FGF14: variants seen among roughly 807,000 people sequenced by gnomAD.
FGF14 encodes the protein fibroblast growth factor 14.
In FGF14, 5 loss-of-function variants were observed where a neutral mutation model predicts 25.5. That is an observed-to-expected ratio of 0.20 (90% CI 0.10 to 0.41). The LOEUF (loss-of-function observed/expected upper bound fraction) is 0.41. FGF14 is among the 10% of genes least tolerant of loss of function. The pLI, the probability that FGF14 is intolerant of heterozygous loss-of-function variation, is 1.00. For missense variants in FGF14, 222 were observed against 320.1 expected (o/e 0.69, Z 2.34); for synonymous variants, 138 against 118.3 (o/e 1.17, Z -1.08).
intron 3 of FGF14, among the ~76,000 whole-genome samples, chr13:101,790,923 G>A (rs780552726): frequency 1.3e-5 from 2 of 152,126 alleles, no homozygotes; most frequent in East Asian, 1.9e-4. Flanking sequence ...ATTTGGTATC[G>A]ATATTTGTGC....
Position 101,896,644 on chromosome 13 carries a change from T to G in FGF14, c.193+19809A>C, listed in dbSNP as rs75883932. On this transcript the variant is annotated intron_variant, in intron 1 of 4. Coordinates refer to ENST00000376143, the MANE Select transcript of FGF14 (RefSeq NM_004115.4). ...TAGGGATGAAGGAAGAGTTGAAAAATATAATAGATCCTTTCCTACAGCCTC... is the reference window on the plus strand; with the variant it reads ...TAGGGATGAAGGAAGAGTTGAAAAAGATAATAGATCCTTTCCTACAGCCTC... Among the ~76,000 whole-genome samples the G allele has an allele frequency of 8.2e-3, 1,253 of 152,218 alleles. 13 individuals carry two copies. Among genetic ancestry groups the G allele is most frequent in the African/African-American group, 0.028 (1,175 of 41,558 alleles).
chr13:102,266,354 T>C (rs1201503410), intron 1 of FGF14, among the ~76,000 whole-genome samples: 1 of 152,176 alleles, frequency 6.6e-6, no homozygotes, highest in East Asian at 1.9e-4. Context: ...TCCCTCTTTG[T>C]AATTGCATAC....
At chr13:101,788,467 A>C (rs1227834840) in intron 3 of FGF14, among the ~76,000 whole-genome samples, 2 of 152,142 alleles carry the variant, frequency 1.3e-5, no homozygotes, top group African/African-American at 4.8e-5. Flanking sequence ...AAAACCCTGA[A>C]ATATCTGCTA....
intron 1 of FGF14, among the ~76,000 whole-genome samples, chr13:102,277,690 G>A (rs2053615812): frequency 6.6e-6 from 1 of 152,232 alleles, no homozygotes; most frequent in Non-Finnish European, 1.5e-5. Flanking sequence ...ATCTTCTTGA[G>A]AAACAGGAAG....
At chr13:102,192,334 A>T (rs892379300) in intron 1 of FGF14, among the ~76,000 whole-genome samples, 1 of 152,146 alleles carries the variant, frequency 6.6e-6, no homozygotes, top group Non-Finnish European at 1.5e-5. Context: ...TTGCTTGTAT[A>T]ATTGATCTCT....
At position 102,207,116 on chromosome 13, in the gene FGF14, C is replaced by T. The variant is rs186726468; in HGVS notation, c.208+194355G>A. Among the ~76,000 whole-genome samples, 417 of 151,952 alleles carry T rather than the reference C, an allele frequency of 2.7e-3. 2 individuals carry two copies. Among genetic ancestry groups the T allele is most frequent in the Non-Finnish European group, 4.5e-3 (307 of 67,972 alleles). On this transcript the variant is annotated intron_variant, in intron 1 of 4. Transcript: ENST00000376131. ...CCAACATGGTGAAACCCCATCTCTA[C>T]TAAAAATACAAAAATTAGCCAGGCA...
chr13:102,310,096 C>T (rs1218767980), intron 1 of FGF14, among the ~76,000 whole-genome samples: 1 of 152,188 alleles, frequency 6.6e-6, no homozygotes, highest in African/African-American at 2.4e-5. Context: ...GGTTTGCTTC[C>T]TTCTATAATA....
rs765590693 is a variant in FGF14 at position 101,715,626 on chromosome 13, A to C, written c.*7205T>G. The C allele has an allele frequency of 6.2e-7, 1 of 1,613,134 alleles. No homozygotes were observed. Among genetic ancestry groups the C allele is most frequent in the Non-Finnish European group, 8.5e-7 (1 of 1,179,170 alleles). ...GATGGATGGAATGGAAATGCATGTG[A>C]AATCTGGCTTGGCTCAGAATATCCT... is the stretch of plus-strand genomic sequence containing the variant. On this transcript the variant is annotated 3_prime_UTR_variant, in exon 5 of 5. Transcript: ENST00000376143.
intron 1 of FGF14, among the ~76,000 whole-genome samples, chr13:102,220,183 C>A (rs2050545158): frequency 6.6e-6 from 1 of 152,050 alleles, no homozygotes; most frequent in African/African-American, 2.4e-5. Context: ...TACGTCCCAA[C>A]CCTGTAAGAG....
At chr13:102,070,900 G>T (rs1208073978) in intron 1 of FGF14, among the ~76,000 whole-genome samples, 1 of 151,982 alleles carries the variant, frequency 6.6e-6, no homozygotes, top group Non-Finnish European at 1.5e-5. Flanking sequence ...AAGTCCAGTT[G>T]GTAACTGGTT....
At chr13:101,963,445 A>G (rs934570355) in intron 1 of FGF14, among the ~76,000 whole-genome samples, 7 of 151,802 alleles carry the variant, frequency 4.6e-5, no homozygotes, top group Non-Finnish European at 4.4e-5. Flanking sequence ...TTTGTGGGGC[A>G]CTCATTCACC....
At chr13:101,748,617 C>CAAATTATACAAAT (rs2037053022) in intron 3 of FGF14, among the ~76,000 whole-genome samples, 1 of 151,512 alleles carries the variant, frequency 6.6e-6, no homozygotes, top group Admixed American at 6.6e-5. Context: ...CTAGTAGCCC[C>CAAATTATACAAAT]TAAATTATAC....
In FGF14 at chr13:102,054,879, T is replaced by C. The variant is rs576114150; in HGVS notation, c.209-179583A>G. On this transcript the variant is annotated intron_variant, in intron 1 of 4. Coordinates refer to the FGF14 transcript ENST00000376131. ...CATTCATCAAATCTCATAAGTATTA[T>C]TGCCAAAGAATCCTCTGAAACTATC... 4.2e-4 allele frequency among the ~76,000 whole-genome samples: 64 copies of C among 152,308 alleles called. 1 individual carries two copies. Among genetic ancestry groups the C allele is most frequent in the African/African-American group, 1.4e-3 (57 of 41,564 alleles).
At chr13:101,934,515 A>G (rs2034974892) in intron 1 of FGF14, among the ~76,000 whole-genome samples, 1 of 152,232 alleles carries the variant, frequency 6.6e-6, no homozygotes, top group Non-Finnish European at 1.5e-5. Flanking sequence ...TGATATGGGC[A>G]ATGGTTACAG....
intron 1 of FGF14, among the ~76,000 whole-genome samples, chr13:102,347,520 A>G (rs779467470): frequency 6.6e-6 from 1 of 152,146 alleles, no homozygotes; most frequent in Non-Finnish European, 1.5e-5. Flanking sequence ...AGGTGGAAGG[A>G]GGCTTTAGGA....
intron 3 of FGF14, among the ~76,000 whole-genome samples, chr13:101,789,883 G>T (rs1166335521): frequency 6.6e-6 from 1 of 151,274 alleles, no homozygotes; most frequent in Non-Finnish European, 1.5e-5. Flanking sequence ...ATATTTAAAT[G>T]ACTTTACATT....
intron 1 of FGF14, among the ~76,000 whole-genome samples, chr13:102,161,583 GAA>G (rs1566763963): frequency 4.1e-4 from 1 of 2,444 alleles, no homozygotes; most frequent in Non-Finnish European, 5.9e-4. Context: ...GAAAGAAGAA[GAA>G]GAAGAAGAAG....
intron 3 of FGF14, among the ~76,000 whole-genome samples, chr13:101,735,706 C>G (rs960291727): frequency 2.0e-5 from 3 of 151,116 alleles, no homozygotes; most frequent in African/African-American, 4.9e-5. Context: ...GTTATTAACT[C>G]CCCAGGAAGG....
At chr13:102,388,811 A>G (rs1312730607) in intron 1 of FGF14, among the ~76,000 whole-genome samples, 1 of 151,514 alleles carries the variant, frequency 6.6e-6, no homozygotes, top group Admixed American at 6.6e-5. Context: ...GCCATTCTCA[A>G]TCATGTCGTT....
Sources: gnomAD v4.1 joint callset for allele counts (sites outside exome capture counted in the v4.1 genomes callset) on GRCh38, gnomAD v4.1.1 for gene constraint, MANE v1.5 for transcripts, NCBI Gene and HGNC (gene_info 2026-07-23, HGNC 2026-07-21) for gene names.